SEMA3A: variants seen among roughly 807,000 people sequenced by gnomAD.
SEMA3A encodes the protein semaphorin-3A.
SEMA3A carries 29 observed loss-of-function variants against 97.9 expected under a neutral mutation model. The observed-to-expected ratio is 0.30, with a 90% confidence interval of 0.22 to 0.40. The LOEUF (loss-of-function observed/expected upper bound fraction) is 0.40. Ranked by LOEUF, SEMA3A falls within the 10% of genes least tolerant of loss-of-function variation. The pLI is 1.00. For synonymous variants in SEMA3A, 321 were observed against 323.7 expected (o/e 0.99, Z 0.09); for missense variants, 763 against 951.3 (o/e 0.80, Z 2.60).
chr7:84,322,437 C>A (rs947462069), intron 2 of SEMA3A, among the ~76,000 whole-genome samples: 3 of 152,002 alleles, frequency 2.0e-5, no homozygotes, highest in African/African-American at 7.2e-5. Flanking sequence ...TTGTAATAAT[C>A]CCCATGTGTC....
chr7:84,350,646 T>C (rs1342050934), intron 2 of SEMA3A, among the ~76,000 whole-genome samples: 1 of 152,294 alleles, frequency 6.6e-6, no homozygotes, highest in East Asian at 1.9e-4. Context: ...TTTAAAAATA[T>C]AATGTCTGCT....
chr7:84,424,640 A>C (rs1335151672), intron 1 of SEMA3A, among the ~76,000 whole-genome samples: 2 of 94,568 alleles, frequency 2.1e-5, no homozygotes, highest in African/African-American at 8.6e-5. Context: ...TATACAATAT[A>C]TATTATATTT....
chr7:84,174,114 G>A (rs1429576002), intron 1 of SEMA3A, among the ~76,000 whole-genome samples: 3 of 151,872 alleles, frequency 2.0e-5, no homozygotes, highest in Admixed American at 2.0e-4. Flanking sequence ...CAAATAAGCT[G>A]CATCTGGTGG....
At chr7:84,187,646 TA>T (rs1016859670) in intron 1 of SEMA3A, among the ~76,000 whole-genome samples, 5 of 152,144 alleles carry the variant, frequency 3.3e-5, no homozygotes, top group African/African-American at 1.2e-4. Flanking sequence ...CACCTAACAC[TA>T]AACTCACTTT....
intron 1 of SEMA3A, among the ~76,000 whole-genome samples, chr7:84,373,824 A>T (rs1340332514): frequency 1.3e-5 from 2 of 152,230 alleles, no homozygotes; most frequent in African/African-American, 4.8e-5. Context: ...TGTCTGGAAA[A>T]TAAAAGTGAG....
intron 1 of SEMA3A, among the ~76,000 whole-genome samples, chr7:84,417,891 G>A (rs2116269959): frequency 6.6e-6 from 1 of 152,130 alleles, no homozygotes; most frequent in East Asian, 1.9e-4. Flanking sequence ...TATATAGATA[G>A]CAATTACTAA....
chr7:84,484,292 T>C (rs949789236), intron 1 of SEMA3A, among the ~76,000 whole-genome samples: 1 of 152,144 alleles, frequency 6.6e-6, no homozygotes, highest in Non-Finnish European at 1.5e-5. Flanking sequence ...AGCAAGTGGT[T>C]AACCTAAATG....
intron 1 of SEMA3A, among the ~76,000 whole-genome samples, chr7:84,487,181 C>A (rs543391648): frequency 6.6e-6 from 1 of 152,078 alleles, no homozygotes. Context: ...TTAAGCAGGG[C>A]TAGAAATGAA....
At chr7:84,445,384 C>T (rs1212943408) in intron 1 of SEMA3A, among the ~76,000 whole-genome samples, 1 of 147,632 alleles carries the variant, frequency 6.8e-6, no homozygotes, top group Non-Finnish European at 1.5e-5. Context: ...GTCCCAGCTA[C>T]TGGGGAGGTT....
At chr7:84,036,402 G>A (rs1298125524) in intron 6 of SEMA3A, among the ~76,000 whole-genome samples, 2 of 152,082 alleles carry the variant, frequency 1.3e-5, no homozygotes, top group Non-Finnish European at 2.9e-5. Context: ...TTAAAAAAAT[G>A]GAAGTTGCCA....
chr7:83,996,215 G>A (rs1001246059), intron 12 of SEMA3A, among the ~76,000 whole-genome samples: 5 of 151,510 alleles, frequency 3.3e-5, no homozygotes, highest in African/African-American at 1.2e-4. Flanking sequence ...TATAAAACAA[G>A]GTACATGTAT....
At chr7:84,399,500 C>A (rs557424430) in intron 1 of SEMA3A, among the ~76,000 whole-genome samples, 69 of 151,544 alleles carry the variant, frequency 4.6e-4, no homozygotes, top group Non-Finnish European at 6.2e-4. Context: ...AGACAGTGCA[C>A]TGTAGACAGA....
chr7:83,995,743 A>T (rs1012153725), intron 12 of SEMA3A, among the ~76,000 whole-genome samples: 8 of 152,156 alleles, frequency 5.3e-5, no homozygotes, highest in Non-Finnish European at 1.0e-4. Context: ...AAGGCTTTCT[A>T]TGTTCCAATT....
At chr7:84,415,556 G>C (rs372340552) in intron 1 of SEMA3A, among the ~76,000 whole-genome samples, 1 of 151,926 alleles carries the variant, frequency 6.6e-6, no homozygotes, top group East Asian at 1.9e-4. Context: ...ATACCACTTG[G>C]GGAAGGCAGA....
intron 14 of SEMA3A, among the ~76,000 whole-genome samples, chr7:83,980,322 G>T (rs1789339161): frequency 6.6e-6 from 1 of 152,010 alleles, no homozygotes; most frequent in East Asian, 1.9e-4. Context: ...GTATATATAT[G>T]CTGGGCGCAG....
intron 5 of SEMA3A, among the ~76,000 whole-genome samples, chr7:84,046,764 C>G (rs1792370787): frequency 6.6e-6 from 1 of 151,980 alleles, no homozygotes; most frequent in Admixed American, 6.6e-5. Flanking sequence ...TGACCACTGA[C>G]AAACTCACAA....
chr7:84,429,384 T>G (rs1804908960), intron 1 of SEMA3A, among the ~76,000 whole-genome samples: 1 of 151,032 alleles, frequency 6.6e-6, no homozygotes. Flanking sequence ...ATCACTAAGT[T>G]GTTTGATAGT....
intron 1 of SEMA3A, among the ~76,000 whole-genome samples, chr7:84,486,829 T>C (rs1806586173): frequency 6.6e-6 from 1 of 152,236 alleles, no homozygotes; most frequent in South Asian, 2.1e-4. Context: ...CCAAAAATAT[T>C]ATTTGTCAGA....
intron 2 of SEMA3A, among the ~76,000 whole-genome samples, chr7:84,314,602 T>C (rs1479395097): frequency 6.6e-6 from 1 of 152,192 alleles, no homozygotes; most frequent in Non-Finnish European, 1.5e-5. Context: ...ATAAACTTTG[T>C]TGTAATAAGC....
Sources: gnomAD v4.1 joint callset for allele counts (sites outside exome capture counted in the v4.1 genomes callset) on GRCh38, gnomAD v4.1.1 for gene constraint, MANE v1.5 for transcripts, NCBI Gene and HGNC (gene_info 2026-07-23, HGNC 2026-07-21) for gene names.